TNR: variants seen among roughly 807,000 people sequenced by gnomAD.
TNR encodes the protein tenascin R, also known as tenascin-R.
A neutral mutation model predicts 150.4 loss-of-function variants in TNR; 45 were observed. The ratio of observed to expected loss-of-function variants is 0.30; its 90% CI spans 0.24 to 0.38. The LOEUF (loss-of-function observed/expected upper bound fraction) is 0.38, where lower values mean the gene tolerates loss of function less well. Among genes scored for constraint, TNR ranks in the 10% least tolerant of loss-of-function variants. The pLI is 1.00. For missense variants in TNR, 1,544 were observed against 1,759.1 expected (o/e 0.88, Z 2.19); for synonymous variants, 687 against 678.4 (o/e 1.01, Z -0.20).
intron 14 of TNR, among the ~76,000 whole-genome samples, chr1:175,361,731 T>C (rs929509020): frequency 4.6e-5 from 7 of 152,214 alleles, no homozygotes; most frequent in Non-Finnish European, 7.3e-5. Flanking sequence ...AGCTGGATGT[T>C]TTCCCACGTG....
intron 1 of TNR, among the ~76,000 whole-genome samples, chr1:175,578,873 C>G (rs539572590): frequency 5.3e-5 from 8 of 152,236 alleles, no homozygotes; most frequent in Non-Finnish European, 1.2e-4. Flanking sequence ...GGTGGCTACC[C>G]CTGGTGAGGT....
rs570286283 is a variant in TNR at position 175,394,004 on chromosome 1, G to A, written c.1241-109C>T. On this transcript the variant is annotated intron_variant, in intron 5 of 22. Transcript: ENST00000367674. ...CCCTCCACGCCATGGGCGTGGTGGT[G>A]TCTGGTGGACAATCCCAATCTTGCT... 2.0e-5 allele frequency: 17 copies of A among 853,928 alleles called. No homozygotes were observed. The East Asian group carries it at 4.2e-4, about 21-fold the overall frequency. 52.9% of individuals were successfully genotyped at this position (853,928 alleles called of 1,614,324 possible).
chr1:175,636,087 A>C (rs1207214763), intron 1 of TNR, among the ~76,000 whole-genome samples: 1 of 152,038 alleles, frequency 6.6e-6, no homozygotes, highest in Non-Finnish European at 1.5e-5. Context: ...TACCTGATGG[A>C]TCATCCTTAT....
chr1:175,453,328 G>C (rs1046961539), intron 2 of TNR, among the ~76,000 whole-genome samples: 4 of 152,028 alleles, frequency 2.6e-5, no homozygotes, highest in African/African-American at 7.2e-5. Flanking sequence ...CCAGGTGTGA[G>C]GGCTGAGGGA....
In TNR at chr1:175,396,814, G is replaced by A; in HGVS notation, c.977-7C>T. 1.2e-6 allele frequency: 2 copies of A among 1,611,084 alleles called. No individual in the cohort carries two copies. Among genetic ancestry groups the A allele is most frequent in the Non-Finnish European group, 1.7e-6 (2 of 1,177,722 alleles). ...AAGTCCTCTGGAGGGGCAACTACCG[G>A]GAGGCAATACACAGATAGCATGAGC... On this transcript the variant is annotated splice_polypyrimidine_tract_variant and splice_region_variant and intron_variant, in intron 4 of 22. Coordinates refer to ENST00000367674, the MANE Select transcript of TNR (RefSeq NM_003285.3).
chr1:175,565,839 T>G (rs1404630505), intron 1 of TNR, among the ~76,000 whole-genome samples: 1 of 152,148 alleles, frequency 6.6e-6, no homozygotes, highest in Non-Finnish European at 1.5e-5. Context: ...ATGAAACTAC[T>G]AAAAAACGAA....
intron 18 of TNR, among the ~76,000 whole-genome samples, chr1:175,349,816 C>A (rs1650971282): frequency 6.6e-6 from 1 of 152,128 alleles, no homozygotes. Flanking sequence ...ATAATTAGTG[C>A]CCTACCTCCT....
chr1:175,518,495 A>G (rs1171352094), intron 2 of TNR, among the ~76,000 whole-genome samples: 1 of 152,162 alleles, frequency 6.6e-6, no homozygotes, highest in Non-Finnish European at 1.5e-5. Context: ...TAATGTCATT[A>G]TCATATTCCA....
intron 1 of TNR, among the ~76,000 whole-genome samples, chr1:175,694,188 T>C (rs1327016532): frequency 6.6e-6 from 1 of 152,228 alleles, no homozygotes; most frequent in Non-Finnish European, 1.5e-5. Flanking sequence ...TACCATACAG[T>C]ATCCCAAGGG....
chr1:175,440,641 G>C (rs1427415099), intron 2 of TNR, among the ~76,000 whole-genome samples: 1 of 151,832 alleles, frequency 6.6e-6, no homozygotes, highest in Non-Finnish European at 1.5e-5. Context: ...TGAAGTGAGA[G>C]GGGAACCAAA....
At position 175,633,037 on chromosome 1, in the gene TNR, T is replaced by A. The variant is rs1007122368; in HGVS notation, c.-164-104668A>T. On this transcript the variant is annotated intron_variant, in intron 1 of 22. Transcript: ENST00000367674. Reference sequence around the variant, plus strand: ...TCCTGTCTCCATACCTTGTATACACTGTCCCCTCTATCTGGAATACCCACC... The same window carrying A: ...TCCTGTCTCCATACCTTGTATACACAGTCCCCTCTATCTGGAATACCCACC... Among the ~76,000 whole-genome samples, 6 of 152,202 alleles carry A rather than the reference T, an allele frequency of 3.9e-5. 1 individual carries two copies. Among genetic ancestry groups the A allele is most frequent in the Non-Finnish European group, 7.3e-5 (5 of 68,032 alleles).
intron 1 of TNR, among the ~76,000 whole-genome samples, chr1:175,609,206 G>C (rs1455039387): frequency 6.6e-6 from 1 of 152,170 alleles, no homozygotes; most frequent in Non-Finnish European, 1.5e-5. Flanking sequence ...GGGAAGAAGA[G>C]AAAGAAGGAA....
At chr1:175,663,805 C>G (rs991874895) in intron 1 of TNR, among the ~76,000 whole-genome samples, 1 of 152,172 alleles carries the variant, frequency 6.6e-6, no homozygotes, top group Non-Finnish European at 1.5e-5. Flanking sequence ...GACCAAAATA[C>G]TTTTAGTCTG....
chr1:175,619,387 GC>G (rs1408721962), intron 1 of TNR, among the ~76,000 whole-genome samples: 1 of 152,188 alleles, frequency 6.6e-6, no homozygotes, highest in Non-Finnish European at 1.5e-5. Flanking sequence ...ATGGCCCAGA[GC>G]AGGAGGTACA....
At chr1:175,414,570 T>C (rs1317213431) in intron 2 of TNR, among the ~76,000 whole-genome samples, 4 of 152,210 alleles carry the variant, frequency 2.6e-5, no homozygotes, top group Non-Finnish European at 5.9e-5. Flanking sequence ...AATATAATTA[T>C]CATGGCCAGC....
intron 18 of TNR, 86 bp from the exon 19 acceptor site, chr1:175,337,765 G>T: frequency 6.8e-7 from 1 of 1,465,974 alleles, no homozygotes; most frequent in Non-Finnish European, 9.3e-7. Context: ...GTCTTAGCAG[G>T]CCTCCTGGTA....
intron 1 of TNR, among the ~76,000 whole-genome samples, chr1:175,682,769 A>G (rs1414556270): frequency 6.6e-6 from 1 of 152,164 alleles, no homozygotes; most frequent in Non-Finnish European, 1.5e-5. Context: ...ACCTCCTCAC[A>G]AATTCTTATG....
At chr1:175,680,634 A>G (rs774186575) in intron 1 of TNR, among the ~76,000 whole-genome samples, 8 of 152,136 alleles carry the variant, frequency 5.3e-5, no homozygotes, top group Admixed American at 3.3e-4. Flanking sequence ...AGAGACAGAG[A>G]CAGAGCCTCA....
At chr1:175,567,826 T>A (rs1285709173) in intron 1 of TNR, among the ~76,000 whole-genome samples, 2 of 152,108 alleles carry the variant, frequency 1.3e-5, no homozygotes, top group East Asian at 3.9e-4. Context: ...GTGAATGAAG[T>A]GGGATGGACG....
Sources: allele counts gnomAD v4.1 joint callset (sites outside exome capture counted in the v4.1 genomes callset), GRCh38; gene constraint gnomAD v4.1.1; transcripts MANE v1.5; gene names NCBI Gene and HGNC (gene_info 2026-07-23, HGNC 2026-07-21).